The following CHAT variants were observed in gnomAD, a reference collection of about 807,000 sequenced individuals.
CHAT encodes the protein choline O-acetyltransferase.
Under a neutral mutation model 76.9 loss-of-function variants are expected in CHAT, and 61 were observed. The observed-to-expected ratio is 0.79, with a 90% CI of 0.65 to 0.98. CHAT has a LOEUF of 0.98. Ranked by LOEUF, CHAT falls within the 50% of genes least tolerant of loss-of-function variation. CHAT has a pLI of 0.00. For synonymous variants in CHAT, 407 were observed against 397.4 expected (o/e 1.02, Z -0.29); for missense variants, 946 against 986.9 (o/e 0.96, Z 0.56).
intron 8 of CHAT, chr10:49,648,087 G>T: frequency 4.0e-6 from 1 of 252,378 alleles, no homozygotes. Context: ...TTTCTTTGTA[G>T]AATGGGAGTA....
intron 2 of CHAT, among the ~76,000 whole-genome samples, chr10:49,618,816 C>A (rs10857518): frequency 6.6e-6 from 1 of 152,048 alleles, no homozygotes; most frequent in African/African-American, 2.4e-5. Flanking sequence ...TTGGGAATTC[C>A]TCTGGAAGTA....
rs779401494 is a variant in CHAT at position 49,666,612 on chromosome 10, G to A, written c.*1566G>A. ...GGACTGTCACAGGCTGGCAGAGGTG[G>A]GGTGGGCATTTGACCTTTGCTCAGC... On this transcript the variant is annotated 3_prime_UTR_variant, in exon 15 of 15. Coordinates refer to ENST00000337653, the MANE Select transcript of CHAT (RefSeq NM_020549.5). 2.4e-4 allele frequency among the ~76,000 whole-genome samples: 36 copies of A among 152,300 alleles called. No homozygotes were observed. The highest frequency in any genetic ancestry group is 3.5e-4 in the Non-Finnish European group (24 of 68,032).
intron 4 of CHAT, 114 bp downstream of exon 4, chr10:49,620,727 G>A (rs1291619556): frequency 8.4e-6 from 7 of 832,242 alleles, no homozygotes; most frequent in Non-Finnish European, 1.4e-5. Context: ...GCTTCCTGGG[G>A]TCAAATGCCC....
At chr10:49,636,311 T>C (rs1564481837) in intron 7 of CHAT, among the ~76,000 whole-genome samples, 2 of 152,194 alleles carry the variant, frequency 1.3e-5, no homozygotes, top group Admixed American at 6.5e-5. Context: ...GTGGGCTACA[T>C]TGATTGATTT....
At chr10:49,651,401 T>C (rs889648967) in intron 10 of CHAT, among the ~76,000 whole-genome samples, 2 of 152,166 alleles carry the variant, frequency 1.3e-5, no homozygotes, top group South Asian at 2.1e-4. Context: ...GGGAGGCACA[T>C]AGACCTTGCC....
chr10:49,615,703 A>G (rs1163552318), intron 1 of CHAT: 1 of 366,466 alleles, frequency 2.7e-6, no homozygotes, highest in African/African-American at 2.0e-5. Context: ...GCCTAATAAT[A>G]ACAGTCTTTG....
intron 7 of CHAT, chr10:49,637,406 C>T (rs1410456633): frequency 6.6e-6 from 1 of 152,168 alleles, no homozygotes; most frequent in African/African-American, 2.4e-5. Flanking sequence ...CAAATCTCAT[C>T]TCGAATTGTA....
At chr10:49,637,576 TGGGAAGAAG>T (rs1367399735) in intron 7 of CHAT, 1 of 152,724 alleles carries the variant, frequency 6.5e-6, no homozygotes, top group African/African-American at 2.4e-5. Context: ...CCTGCTGCCA[TGGGAAGAAG>T]GTCCTTGCTT....
chr10:49,650,578 G>A (rs750347734), intron 10 of CHAT, among the ~76,000 whole-genome samples: 2 of 152,190 alleles, frequency 1.3e-5, no homozygotes, highest in Non-Finnish European at 2.9e-5. Context: ...CAGCAAGTGA[G>A]AGAATGGCCA....
At chr10:49,640,662 G>A (rs1307686881) in intron 7 of CHAT, among the ~76,000 whole-genome samples, 1 of 152,072 alleles carries the variant, frequency 6.6e-6, no homozygotes, top group East Asian at 1.9e-4. Context: ...ATTACTGACT[G>A]GTGATGGTAG....
upstream of CHAT, chr10:49,611,625 C>T (rs1175704238): frequency 4.3e-6 from 7 of 1,611,680 alleles, no homozygotes; most frequent in Non-Finnish European, 4.2e-6. Context: ...CCGTGGTGGC[C>T]GGCGCGCTCA....
At chr10:49,617,737 A>AC (rs57501820) in intron 2 of CHAT, among the ~76,000 whole-genome samples, 1,792 of 150,186 alleles carry the variant, frequency 0.012, 23 homozygotes, top group African/African-American at 0.036. Context: ...CACACAGACC[A>AC]CCCCCCCCAC....
rs1336889480 is a variant in CHAT, at chr10:49,622,121, T to C, written c.723T>C (p.Gly241=). The change falls in exon 5 of 15, where the codon GGT becomes GGC. Residue 241 remains glycine, a synonymous_variant. Coordinates refer to ENST00000337653, the MANE Select transcript of CHAT (RefSeq NM_020549.5). The part of the protein sequence containing the change: ...QLRFAASLIS[G]VLSYKALLDS... ...GGTTTGCAGCCAGCCTCATCTCTGG[T>C]GTACTCAGCTACAAGGCCCTGCTGG... The C allele has an allele frequency of 7.4e-7, 1 of 1,357,044 alleles. No individual in the cohort carries two copies. Among genetic ancestry groups the C allele is most frequent in the Non-Finnish European group, 9.6e-7 (1 of 1,036,424 alleles). 84.1% of individuals were successfully genotyped at this position (1,357,044 alleles called of 1,614,324 possible).
At chr10:49,624,350 G>T (rs1434748028) in intron 5 of CHAT, among the ~76,000 whole-genome samples, 1 of 152,302 alleles carries the variant, frequency 6.6e-6, no homozygotes, top group South Asian at 2.1e-4. Context: ...AACATTTCTG[G>T]GTTCAGGCAT....
At chr10:49,641,470 A>G (rs867481541) in intron 7 of CHAT, among the ~76,000 whole-genome samples, 13 of 152,206 alleles carry the variant, frequency 8.5e-5, no homozygotes, top group African/African-American at 3.1e-4. Flanking sequence ...AGCTCTTTAA[A>G]GGTGCCTGAT....
At chr10:49,616,265 A>C (rs1838489300) in intron 1 of CHAT, among the ~76,000 whole-genome samples, 1 of 152,172 alleles carries the variant, frequency 6.6e-6, no homozygotes, top group African/African-American at 2.4e-5. Context: ...TCATGAGAGC[A>C]GACCCTCACT....
At chr10:49,641,442 G>A (rs568493234) in intron 7 of CHAT, among the ~76,000 whole-genome samples, 2 of 152,146 alleles carry the variant, frequency 1.3e-5, no homozygotes, top group African/African-American at 2.4e-5. Context: ...TCCTGGAATC[G>A]GAAGACCCTC....
At chr10:49,614,824 G>A (rs575447531) in intron 1 of CHAT, among the ~76,000 whole-genome samples, 1 of 152,292 alleles carries the variant, frequency 6.6e-6, no homozygotes, top group African/African-American at 2.4e-5. Context: ...GTTGGCAACC[G>A]CTTCTCCCGG....
At chr10:49,622,003 G>C in intron 4 of CHAT, 94 bp from the exon 5 acceptor site, 1 of 1,420,584 alleles carries the variant, frequency 7.0e-7, no homozygotes, top group Non-Finnish European at 9.9e-7. Flanking sequence ...GAGATGGAAG[G>C]AAGAGGGAAG....
Sources: allele counts gnomAD v4.1 joint callset (sites outside exome capture counted in the v4.1 genomes callset), GRCh38; gene constraint gnomAD v4.1.1; transcripts MANE v1.5; gene names NCBI Gene and HGNC (gene_info 2026-07-23, HGNC 2026-07-21).